Variants in NRXN1 observed in about 807,000 individuals in gnomAD.
NRXN1 encodes neurexin-1.
NRXN1 carries 39 observed loss-of-function variants against 150.9 expected under a neutral mutation model. The observed-to-expected ratio is 0.26, with a 90% CI of 0.20 to 0.34. The LOEUF is 0.34. Among genes scored for constraint, NRXN1 ranks in the 10% least tolerant of loss-of-function variants. NRXN1 has a pLI of 1.00. For synonymous variants in NRXN1, 924 were observed against 757.0 expected, an observed-to-expected ratio of 1.22 and a Z score of -3.62; for missense variants, 1,815 against 1,949.9, an observed-to-expected ratio of 0.93 and a Z score of 1.30.
At chr2:50,819,322 T>C (rs1382170012) in intron 5 of NRXN1, among the ~76,000 whole-genome samples, 1 of 152,180 alleles carries the variant, frequency 6.6e-6, no homozygotes, top group East Asian at 1.9e-4. Flanking sequence ...ATGTGGTATG[T>C]ACATACAATG....
chr2:50,554,571 C>T (rs1667962766), intron 8 of NRXN1: 1 of 152,130 alleles, frequency 6.6e-6, no homozygotes, highest in South Asian at 2.1e-4. Context: ...TACATAAAGG[C>T]ATTCATTCCA....
intron 22 of NRXN1, among the ~76,000 whole-genome samples, chr2:49,934,710 G>T (rs1215085773): frequency 1.3e-5 from 2 of 152,140 alleles, no homozygotes; most frequent in African/African-American, 2.4e-5. Context: ...AAGTCATGCT[G>T]CTGGGAGTAT....
intron 2 of NRXN1, among the ~76,000 whole-genome samples, chr2:50,968,474 T>C (rs1169637546): frequency 6.6e-6 from 1 of 152,038 alleles, no homozygotes; most frequent in Non-Finnish European, 1.5e-5. Flanking sequence ...GCTCTCTCCA[T>C]ATAATGTTCT....
intron 12 of NRXN1, among the ~76,000 whole-genome samples, chr2:50,509,236 C>G (rs1272023870): frequency 6.6e-6 from 1 of 152,178 alleles, no homozygotes; most frequent in Non-Finnish European, 1.5e-5. Flanking sequence ...GAATCTTTGG[C>G]TAACAACTTA....
At chr2:51,013,096 G>C (rs1668135773) in intron 2 of NRXN1, among the ~76,000 whole-genome samples, 1 of 152,046 alleles carries the variant, frequency 6.6e-6, no homozygotes, top group African/African-American at 2.4e-5. Context: ...TGGAGGTAGA[G>C]TCAGTACTGG....
intron 5 of NRXN1, among the ~76,000 whole-genome samples, chr2:50,800,389 T>C (rs1707422908): frequency 6.6e-6 from 1 of 152,162 alleles, no homozygotes; most frequent in South Asian, 2.1e-4. Flanking sequence ...CGTTTCATAA[T>C]TTGAAAACAT....
chr2:50,994,137 T>C (rs1039086081), intron 2 of NRXN1, among the ~76,000 whole-genome samples: 9 of 152,008 alleles, frequency 5.9e-5, no homozygotes, highest in Non-Finnish European at 1.3e-4. Flanking sequence ...CAGATGAGAA[T>C]ACTGAGCCTT....
intron 21 of NRXN1, 152 bp downstream of exon 21, chr2:50,053,119 A>C (rs1313483796): frequency 4.1e-6 from 3 of 729,938 alleles, no homozygotes; most frequent in Non-Finnish European, 7.1e-6. Flanking sequence ...TTCATATTCA[A>C]ACGGAATGCA....
chr2:50,934,978 T>C (rs902377248), intron 2 of NRXN1, among the ~76,000 whole-genome samples: 4 of 152,148 alleles, frequency 2.6e-5, no homozygotes, highest in African/African-American at 9.6e-5. Flanking sequence ...GATTTTTAAG[T>C]AAACTAAACT....
At chr2:50,840,480 G>A (rs935139258) in intron 5 of NRXN1, among the ~76,000 whole-genome samples, 19 of 152,128 alleles carry the variant, frequency 1.2e-4, no homozygotes, top group African/African-American at 4.6e-4. Flanking sequence ...ATGGTGCAGA[G>A]AGATTATGAC....
intron 5 of NRXN1, among the ~76,000 whole-genome samples, chr2:50,698,641 T>G (rs1693276291): frequency 6.6e-6 from 1 of 152,108 alleles, no homozygotes; most frequent in Admixed American, 6.6e-5. Flanking sequence ...TCTCAGAGGT[T>G]TTCAATACAT....
intron 18 of NRXN1, among the ~76,000 whole-genome samples, chr2:50,123,425 G>T (rs1009537236): frequency 6.6e-6 from 1 of 152,180 alleles, no homozygotes; most frequent in African/African-American, 2.4e-5. Context: ...GAGCAAATGG[G>T]TCATGTGGTT....
At chr2:51,011,740 G>A (rs1428091705) in intron 2 of NRXN1, among the ~76,000 whole-genome samples, 1 of 151,980 alleles carries the variant, frequency 6.6e-6, no homozygotes, top group East Asian at 1.9e-4. Context: ...ACAAGTGCTT[G>A]CCTGCCATTC....
chr2:50,014,430 G>T (rs1470333241), intron 21 of NRXN1, among the ~76,000 whole-genome samples: 1 of 152,070 alleles, frequency 6.6e-6, no homozygotes, highest in Non-Finnish European at 1.5e-5. Context: ...ATTCTTACTT[G>T]TGGGGGACTG....
chr2:50,373,613 G>A (rs1328798130), intron 17 of NRXN1, among the ~76,000 whole-genome samples: 6 of 124,940 alleles, frequency 4.8e-5, no homozygotes, highest in Non-Finnish European at 1.0e-4. Context: ...GAAAGAAAGA[G>A]AGAGAGAGAA....
chr2:50,853,796 T>G (rs1325316966), intron 5 of NRXN1, among the ~76,000 whole-genome samples: 1 of 152,122 alleles, frequency 6.6e-6, no homozygotes, highest in Admixed American at 6.5e-5. Flanking sequence ...GTTATTTTCT[T>G]TAATATGTAA....
intron 8 of NRXN1, among the ~76,000 whole-genome samples, chr2:50,577,125 G>A (rs1339256960): frequency 6.6e-6 from 1 of 152,012 alleles, no homozygotes; most frequent in Non-Finnish European, 1.5e-5. Flanking sequence ...TTCACCTAAA[G>A]ATGATTCTTG....
chr2:49,995,648 G>T (rs1267177839), intron 21 of NRXN1, among the ~76,000 whole-genome samples: 1 of 151,640 alleles, frequency 6.6e-6, no homozygotes, highest in Non-Finnish European at 1.5e-5. Flanking sequence ...GGGCGTGGTG[G>T]CGGGTGTCTG....
At chr2:50,557,387 CT>C (rs1287139880) in intron 8 of NRXN1, among the ~76,000 whole-genome samples, 2 of 152,112 alleles carry the variant, frequency 1.3e-5, no homozygotes, top group Non-Finnish European at 2.9e-5. Context: ...GATATTTAGA[CT>C]TTGTTATGAC....
Sources: gnomAD v4.1 joint callset for allele counts (sites outside exome capture counted in the v4.1 genomes callset) on GRCh38, gnomAD v4.1.1 for gene constraint, MANE v1.5 for transcripts, NCBI Gene and HGNC (gene_info 2026-07-23, HGNC 2026-07-21) for gene names.